Variants in MGRN1 observed in about 807,000 individuals in gnomAD.
The protein encoded by MGRN1 is mahogunin ring finger 1.
Under a neutral mutation model 69.2 loss-of-function variants are expected in MGRN1, and 29 were observed. The observed-to-expected ratio is 0.42, with a 90% confidence interval of 0.31 to 0.57. MGRN1 has a LOEUF of 0.57. Ranked by LOEUF, MGRN1 falls within the 20% of genes least tolerant of loss-of-function variation. The pLI is 0.15. For synonymous variants in MGRN1, 470 were observed against 344.2 expected (o/e 1.37, Z -4.04); for missense variants, 998 against 796.2 (o/e 1.25, Z -3.05).
chr16:4,686,286 G>T (rs974048165), intron 16 of MGRN1: 9 of 1,544,872 alleles, frequency 5.8e-6, no homozygotes, highest in Admixed American at 3.9e-5. Context: ...TGCTCTGTTG[G>T]TATAGACGAG....
At chr16:4,625,541 G>T (rs1426213933) in intron 1 of MGRN1, among the ~76,000 whole-genome samples, 6 of 152,216 alleles carry the variant, frequency 3.9e-5, no homozygotes, top group African/African-American at 1.4e-4. Flanking sequence ...GTGTGGGTTG[G>T]AGGAGTGGGG....
intron 1 of MGRN1, among the ~76,000 whole-genome samples, chr16:4,642,284 A>G (rs1037234611): frequency 1.7e-4 from 25 of 150,910 alleles, no homozygotes; most frequent in Non-Finnish European, 3.4e-4. Flanking sequence ...GCATGAGCTA[A>G]TTTTTGTATT....
At chr16:4,651,589 G>A (rs1348247378) in intron 2 of MGRN1, among the ~76,000 whole-genome samples, 2 of 152,098 alleles carry the variant, frequency 1.3e-5, no homozygotes, top group African/African-American at 2.4e-5. Context: ...GGGTTGCTGA[G>A]CTGTGCTCGT....
In MGRN1 at chr16:4,665,095, C is replaced by G. The variant is rs367998857; in HGVS notation, c.629-7C>G. ...CTCTGACTACTCTGCCCCTCTCTCC[C>G]CAGCAGTGGTGGAAGTGACTGGCCA... On this transcript the variant is annotated splice_region_variant and splice_polypyrimidine_tract_variant and intron_variant, in intron 6 of 16. Transcript: ENST00000262370. The G allele has an allele frequency of 1.2e-6, 2 of 1,614,214 alleles. No individual in the cohort carries two copies. Among genetic ancestry groups the G allele is most frequent in the African/African-American group, 2.7e-5 (2 of 75,046 alleles).
intron 5 of MGRN1, among the ~76,000 whole-genome samples, chr16:4,663,180 C>T (rs1356491718): frequency 6.6e-6 from 1 of 152,168 alleles, no homozygotes; most frequent in Non-Finnish European, 1.5e-5. Flanking sequence ...TCTCCTACCT[C>T]AGCCTCCCGA....
At chr16:4,628,552 CT>C (rs754163278) in intron 1 of MGRN1, among the ~76,000 whole-genome samples, 2 of 151,762 alleles carry the variant, frequency 1.3e-5, no homozygotes, top group East Asian at 3.9e-4. Flanking sequence ...GATCTGCTTT[CT>C]TTTTTCTTTG....
Position 4,627,092 on chromosome 16 carries a change from G to A in MGRN1, c.88+2044G>A, listed in dbSNP as rs143101992. 2.6e-5 allele frequency among the ~76,000 whole-genome samples: 4 copies of A among 152,322 alleles called. No homozygotes were observed. In the East Asian group the frequency reaches 7.7e-4, roughly 29 times the overall value. The stretch of plus-strand genomic sequence containing the variant: ...TAATGAGAACTCCGTCAGGTCAAGG[G>A]TGGGAGGCAGGCCGGGCCTCAGCAG... On this transcript the variant is annotated intron_variant, in intron 1 of 16. Coordinates refer to ENST00000262370, the MANE Select transcript of MGRN1 (RefSeq NM_015246.4).
At chr16:4,632,289 C>G (rs1898049743) in intron 1 of MGRN1, among the ~76,000 whole-genome samples, 1 of 112,830 alleles carries the variant, frequency 8.9e-6, no homozygotes, top group African/African-American at 2.6e-5. Flanking sequence ...GCTGGTATTA[C>G]AGGCATGAGC....
chr16:4,629,147 C>CGTGTGTGTGTGT (rs1442184525), intron 1 of MGRN1, among the ~76,000 whole-genome samples: 36 of 48,686 alleles, frequency 7.4e-4, no homozygotes, highest in South Asian at 1.9e-3. Flanking sequence ...GCTTTCTGTT[C>CGTGTGTGTGTGT]GTATGTGTGT....
intron 5 of MGRN1, among the ~76,000 whole-genome samples, chr16:4,660,235 C>A (rs933261182): frequency 1.3e-5 from 2 of 152,218 alleles, no homozygotes; most frequent in Non-Finnish European, 2.9e-5. Context: ...TAGGCCAGTT[C>A]TGCAGCTCTG....
intron 1 of MGRN1, among the ~76,000 whole-genome samples, chr16:4,628,028 C>T (rs1897778331): frequency 6.9e-6 from 1 of 144,864 alleles, no homozygotes; most frequent in Non-Finnish European, 1.5e-5. Context: ...TGCAGTGAGC[C>T]GAGACTGCGC....
intron 16 of MGRN1, among the ~76,000 whole-genome samples, chr16:4,685,156 G>A (rs757414110): frequency 5.3e-5 from 8 of 152,250 alleles, no homozygotes; most frequent in Non-Finnish European, 7.3e-5. Flanking sequence ...CACAGAATTC[G>A]AGTAAGGTCT....
intron 11 of MGRN1, among the ~76,000 whole-genome samples, chr16:4,678,096 C>G (rs993935407): frequency 2.0e-5 from 3 of 152,212 alleles, no homozygotes; most frequent in Non-Finnish European, 2.9e-5. Flanking sequence ...CTAGTCCTGC[C>G]TCAGCCTCCC....
rs891921919 is a variant in MGRN1 at position 4,673,623 on chromosome 16, C to T, written c.921C>T (p.Arg307=). The change falls in exon 10 of 17, where the codon CGC becomes CGT. Residue 307 remains arginine, a synonymous_variant. Transcript: ENST00000262370. Reference sequence around the variant, plus strand: ...GTACCTCCTGCGCCGACACGCTGCGCTACCAGGCCAACAACTGCCCCATCT... The same window carrying T: ...GTACCTCCTGCGCCGACACGCTGCGTTACCAGGCCAACAACTGCCCCATCT... ...CLCTSCADTL[R]YQANNCPICR... is the part of the protein sequence containing the mutation. 7.4e-6 allele frequency: 12 copies of T among 1,613,468 alleles called. No individual in the cohort carries two copies. Among genetic ancestry groups the T allele is most frequent in the Admixed American group, 1.7e-5 (1 of 59,990 alleles).
intron 1 of MGRN1, among the ~76,000 whole-genome samples, chr16:4,642,788 ATTTT>A (rs79535290): frequency 2.1e-5 from 3 of 140,186 alleles, no homozygotes; most frequent in African/African-American, 5.2e-5. Flanking sequence ...TAACGCTTGA[ATTTT>A]TTTTTTTTTT....
intron 1 of MGRN1, among the ~76,000 whole-genome samples, chr16:4,633,240 T>A (rs1025783005): frequency 6.6e-6 from 1 of 151,088 alleles, no homozygotes; most frequent in Non-Finnish European, 1.5e-5. Context: ...ATCCAAAAAA[T>A]TAGCTGGACG....
chr16:4,679,887 G>A (rs1457631871), intron 11 of MGRN1, 145 bp from the exon 12 acceptor site: 1 of 763,386 alleles, frequency 1.3e-6, no homozygotes, highest in Non-Finnish European at 2.2e-6. Flanking sequence ...CCTCACTTAG[G>A]ACAGTCCCGA....
chr16:4,641,934 C>A (rs968397564), intron 1 of MGRN1, among the ~76,000 whole-genome samples: 2 of 152,060 alleles, frequency 1.3e-5, no homozygotes, highest in African/African-American at 4.8e-5. Context: ...GGATTATAGG[C>A]GTGAGCCCCC....
chr16:4,643,531 C>A (rs1378791735), intron 1 of MGRN1, among the ~76,000 whole-genome samples: 1 of 151,724 alleles, frequency 6.6e-6, no homozygotes, highest in Non-Finnish European at 1.5e-5. Flanking sequence ...GCCACCACAC[C>A]TGGCTAATTT....
Sources: allele counts gnomAD v4.1 joint callset (sites outside exome capture counted in the v4.1 genomes callset), GRCh38; gene constraint gnomAD v4.1.1; transcripts MANE v1.5; gene names NCBI Gene and HGNC (gene_info 2026-07-23, HGNC 2026-07-21).